Variants in PIP5K1B observed in about 807,000 individuals in gnomAD.
PIP5K1B encodes phosphatidylinositol 4-phosphate 5-kinase type-1 beta.
Under a neutral mutation model 67.0 loss-of-function variants are expected in PIP5K1B, and 42 were observed. The observed-to-expected ratio is 0.63, with a 90% confidence interval of 0.49 to 0.81. The LOEUF is 0.81. Ranked by LOEUF, PIP5K1B falls within the 30% of genes least tolerant of loss-of-function variation. The pLI is 0.00. For missense variants in PIP5K1B, 459 were observed against 646.3 expected (o/e 0.71, Z 3.14); for synonymous variants, 214 against 231.4 (o/e 0.92, Z 0.68).
intron 8 of PIP5K1B, among the ~76,000 whole-genome samples, chr9:68,896,058 C>G (rs1380195160): frequency 1.3e-5 from 2 of 152,068 alleles, no homozygotes; most frequent in Non-Finnish European, 2.9e-5. Flanking sequence ...ACCAAGCAAA[C>G]AGACGAACAA....
chr9:68,924,646 A>G (rs1018887982), intron 12 of PIP5K1B, among the ~76,000 whole-genome samples: 1 of 152,124 alleles, frequency 6.6e-6, no homozygotes, highest in Non-Finnish European at 1.5e-5. Flanking sequence ...ATAATCCTAT[A>G]TATAGTTATT....
Position 68,705,623 on chromosome 9 carries a change from CT to C in PIP5K1B, c.-381del, listed in dbSNP as rs1827087680. 1 of 139,292 alleles carries C rather than the reference CT, an allele frequency of 7.2e-6. No individual in the cohort carries two copies. The highest frequency in any genetic ancestry group is 1.6e-5 in the Non-Finnish European group (1 of 62,594). 8.6% of individuals were successfully genotyped at this position (139,292 alleles called of 1,614,324 possible). On this transcript the variant is annotated 5_prime_UTR_variant, in exon 1 of 16. Transcript: ENST00000265382. ...GGCCCCGCCCGCCGCCCCCTCCGCCCTCCCGCCCCTCCCGCCCCTCCCGCCC... is the reference window on the plus strand; with the variant it reads ...GGCCCCGCCCGCCGCCCCCTCCGCCCCCCGCCCCTCCCGCCCCTCCCGCCC...
chr9:68,706,428 G>A (rs539053766), intron 1 of PIP5K1B, among the ~76,000 whole-genome samples: 10 of 152,294 alleles, frequency 6.6e-5, no homozygotes, highest in South Asian at 6.2e-4. Context: ...TGCTTATCTG[G>A]CATCTATGCA....
In PIP5K1B at chr9:68,809,574, G is replaced by A. The variant is rs138064175; in HGVS notation, c.-85-8887G>A. On this transcript the variant is annotated intron_variant, in intron 2 of 15. Coordinates refer to ENST00000265382, the MANE Select transcript of PIP5K1B (RefSeq NM_003558.4). ...CCCTTTAGGTAACATCCTAAACCTC[G>A]GGCTACTTGCGGGCAAATTGTTAAA... is the stretch of plus-strand genomic sequence containing the variant. 1.1e-4 allele frequency among the ~76,000 whole-genome samples: 17 copies of A among 152,192 alleles called. No homozygotes were observed. The East Asian group carries it at 1.4e-3, about 12-fold the overall frequency.
chr9:68,878,857 T>G (rs558405664), intron 6 of PIP5K1B, among the ~76,000 whole-genome samples: 1 of 152,272 alleles, frequency 6.6e-6, no homozygotes, highest in East Asian at 1.9e-4. Flanking sequence ...CCTTAAAAAC[T>G]ACGAGGGATT....
At chr9:68,764,587 C>T (rs1270403507) in intron 2 of PIP5K1B, among the ~76,000 whole-genome samples, 2 of 152,034 alleles carry the variant, frequency 1.3e-5, no homozygotes, top group Admixed American at 6.6e-5. Flanking sequence ...GGGATATAAA[C>T]ATTTATTTTA....
intron 5 of PIP5K1B, among the ~76,000 whole-genome samples, chr9:68,871,511 A>C (rs1277925650): frequency 6.6e-6 from 1 of 152,224 alleles, no homozygotes; most frequent in Non-Finnish European, 1.5e-5. Context: ...TTTTAGACTA[A>C]GACAAGCAGT....
chr9:68,940,599 C>T (rs374628372), intron 13 of PIP5K1B, 47 bp from the exon 14 acceptor site: 163 of 1,577,668 alleles, frequency 1.0e-4, no homozygotes, highest in Non-Finnish European at 1.4e-4. Flanking sequence ...ACTAAAGCTG[C>T]ATTTATCCTT....
chr9:68,816,204 C>T (rs1833436049), intron 2 of PIP5K1B, among the ~76,000 whole-genome samples: 1 of 152,198 alleles, frequency 6.6e-6, no homozygotes, highest in Non-Finnish European at 1.5e-5. Flanking sequence ...TCTCGGCTCA[C>T]TACATCCTCT....
chr9:68,717,486 T>C (rs1827689626), intron 1 of PIP5K1B, among the ~76,000 whole-genome samples: 1 of 152,294 alleles, frequency 6.6e-6, no homozygotes, highest in East Asian at 1.9e-4. Flanking sequence ...AAAAACAGTT[T>C]ATTTCTCATA....
intron 1 of PIP5K1B, chr9:68,727,569 C>G (rs1828214711): frequency 6.6e-6 from 1 of 152,076 alleles, no homozygotes; most frequent in Admixed American, 6.6e-5. Flanking sequence ...ACGCCTGACA[C>G]TTACTTAGGC....
At chr9:68,913,809 A>C (rs1825963119) in intron 8 of PIP5K1B, among the ~76,000 whole-genome samples, 1 of 152,122 alleles carries the variant, frequency 6.6e-6, no homozygotes, top group Admixed American at 6.5e-5. Context: ...GAGGAGATGA[A>C]GCTCTTTTTA....
At chr9:68,925,796 T>TTTTTTTTTTTTC (rs1491169643) in intron 12 of PIP5K1B, among the ~76,000 whole-genome samples, 11,061 of 43,138 alleles carry the variant, frequency 0.26, 1,221 homozygotes, top group Non-Finnish European at 0.42. Context: ...GTGGTTCCAA[T>TTTTTTTTTTTTC]TTTTTTTTTT....
chr9:68,829,695 T>C (rs1834178211), intron 4 of PIP5K1B, among the ~76,000 whole-genome samples: 1 of 152,240 alleles, frequency 6.6e-6, no homozygotes, highest in Non-Finnish European at 1.5e-5. Flanking sequence ...TTGATAACTG[T>C]AGGCATTTTT....
chr9:68,974,122 G>C (rs755051181), intron 14 of PIP5K1B, among the ~76,000 whole-genome samples: 1 of 151,992 alleles, frequency 6.6e-6, no homozygotes, highest in South Asian at 2.1e-4. Context: ...CTCCCATCTC[G>C]GCCTCCCAAA....
chr9:68,929,163 T>TAAA (rs60505568), intron 12 of PIP5K1B, among the ~76,000 whole-genome samples: 1 of 101,498 alleles, frequency 9.9e-6, no homozygotes, highest in Non-Finnish European at 2.0e-5. Flanking sequence ...AGACTCTATC[T>TAAA]AAAAAAAAAA....
chr9:68,996,206 G>T (rs1830596253), intron 15 of PIP5K1B, among the ~76,000 whole-genome samples: 2 of 152,200 alleles, frequency 1.3e-5, no homozygotes. Flanking sequence ...CATTATGTGT[G>T]TGTGCATTAG....
At chr9:69,004,197 C>T (rs1281294447) in intron 15 of PIP5K1B, among the ~76,000 whole-genome samples, 1 of 152,152 alleles carries the variant, frequency 6.6e-6, no homozygotes, top group African/African-American at 2.4e-5. Context: ...CTGAAATACT[C>T]TACTTTTACT....
intron 14 of PIP5K1B, among the ~76,000 whole-genome samples, chr9:68,944,459 A>T (rs565628970): frequency 5.9e-5 from 9 of 152,324 alleles, no homozygotes; most frequent in African/African-American, 2.2e-4. Flanking sequence ...ATTCCAGTGC[A>T]CCTATGCTTT....
Sources: allele counts gnomAD v4.1 joint callset (sites outside exome capture counted in the v4.1 genomes callset), GRCh38; gene constraint gnomAD v4.1.1; transcripts MANE v1.5; gene names NCBI Gene and HGNC (gene_info 2026-07-23, HGNC 2026-07-21).